The following MACROD1 variants were observed in gnomAD, a reference collection of about 807,000 sequenced individuals.
MACROD1 encodes ADP-ribose glycohydrolase MACROD1.
Under a neutral mutation model 41.4 loss-of-function variants are expected in MACROD1, and 31 were observed. The ratio of observed to expected loss-of-function variants is 0.75; its 90% confidence interval spans 0.56 to 1.01. MACROD1 has a LOEUF of 1.01. MACROD1 is among the 50% of genes least tolerant of loss of function. MACROD1 has a pLI of 0.00. For missense variants in MACROD1, 473 were observed against 460.0 expected, an observed-to-expected ratio of 1.03 and a Z score of -0.26; for synonymous variants, 252 against 203.4, an observed-to-expected ratio of 1.24 and a Z score of -2.03.
rs554014921 is a variant in MACROD1, at chr11:64,046,772, T to A, written c.518-31491A>T. ...CCTCAACGTCCCAAAGTGCTGGGAT[T>A]ACAGGCGTGAGCCGCTGCGCCTGGC... On this transcript the variant is annotated intron_variant, in intron 3 of 10. Transcript: ENST00000255681. Among the ~76,000 whole-genome samples, 27 of 152,310 alleles carry A rather than the reference T, an allele frequency of 1.8e-4. No individual in the cohort carries two copies. The East Asian group carries it at 5.0e-3, about 28-fold the overall frequency.
chr11:64,063,537 C>T (rs1218398302), intron 3 of MACROD1, among the ~76,000 whole-genome samples: 1 of 152,202 alleles, frequency 6.6e-6, no homozygotes, highest in Non-Finnish European at 1.5e-5. Flanking sequence ...CCAAAAGTCT[C>T]CGTTACTGCC....
intron 3 of MACROD1, among the ~76,000 whole-genome samples, chr11:64,114,050 T>TGATG: frequency 1.5e-5 from 1 of 68,270 alleles, no homozygotes; most frequent in African/African-American, 6.1e-5. Flanking sequence ...ATGCATGGGT[T>TGATG]GATGCATGGA....
At chr11:64,145,583 T>C (rs1337284124) in intron 3 of MACROD1, among the ~76,000 whole-genome samples, 3 of 152,158 alleles carry the variant, frequency 2.0e-5, no homozygotes, top group Non-Finnish European at 4.4e-5. Context: ...GCAGGGGTGC[T>C]GGGACCCTGA....
At chr11:64,077,029 G>C (rs1017931185) in intron 3 of MACROD1, among the ~76,000 whole-genome samples, 2 of 151,318 alleles carry the variant, frequency 1.3e-5, no homozygotes, top group African/African-American at 4.9e-5. Flanking sequence ...GTGGGGAGTA[G>C]ATGGGAGGGA....
chr11:64,041,083 TC>T (rs558424761), intron 3 of MACROD1, among the ~76,000 whole-genome samples: 261 of 151,830 alleles, frequency 1.7e-3, no homozygotes, highest in African/African-American at 5.9e-3. Context: ...TCCTGGCCAT[TC>T]CTGCCCGCGT....
At chr11:64,150,317 G>A (rs558578401) in intron 3 of MACROD1, among the ~76,000 whole-genome samples, 5 of 152,346 alleles carry the variant, frequency 3.3e-5, no homozygotes, top group South Asian at 4.1e-4. Flanking sequence ...CGCTACAAGC[G>A]CAAAGTGGGG....
At chr11:64,033,383 C>A (rs985117193) in intron 3 of MACROD1, among the ~76,000 whole-genome samples, 1 of 152,090 alleles carries the variant, frequency 6.6e-6, no homozygotes, top group Non-Finnish European at 1.5e-5. Context: ...GTTAAAACCA[C>A]AATTATGAAG....
intron 3 of MACROD1, among the ~76,000 whole-genome samples, chr11:64,047,041 G>GCC (rs754548217): frequency 6.6e-6 from 1 of 151,548 alleles, no homozygotes; most frequent in South Asian, 2.1e-4. Context: ...TCGCCCCAGT[G>GCC]CCCCCCCCGG....
rs1313030793 is a variant in MACROD1 at position 64,120,069 on chromosome 11, G to A, written c.517+31170C>T. Among the ~76,000 whole-genome samples, 12 of 152,192 alleles carry A rather than the reference G, an allele frequency of 7.9e-5. No homozygotes were observed. The highest frequency in any genetic ancestry group is 6.5e-4 in the Admixed American group (10 of 15,274). On this transcript the variant is annotated intron_variant, in intron 3 of 10. Transcript: ENST00000255681. This position sits in a 1 kb window ranked among gnomAD's most constrained non-coding sequence, Gnocchi z 4.5. ...CTATTTTCAAACGGCCTCCACCACC[G>A]TGCGAAAAGCAAAGGCAGAAGCAGC...
chr11:64,123,877 G>A (rs1008797576), intron 3 of MACROD1, among the ~76,000 whole-genome samples: 4 of 152,172 alleles, frequency 2.6e-5, no homozygotes, highest in East Asian at 1.9e-4. Flanking sequence ...TGAGCTCTCC[G>A]TCACTGGGAG....
chr11:64,145,068 T>C (rs896711783), intron 3 of MACROD1, among the ~76,000 whole-genome samples: 11 of 152,278 alleles, frequency 7.2e-5, no homozygotes, highest in Admixed American at 6.5e-4. Flanking sequence ...CAGGAGAGGA[T>C]GAGGCAGGGG....
In MACROD1 at chr11:63,999,318, GC is replaced by G; in HGVS notation, c.891+12del. 1 of 1,559,120 alleles carries G rather than the reference GC, an allele frequency of 6.4e-7. No individual in the cohort carries two copies. On this transcript the variant is annotated intron_variant, in intron 8 of 10. Transcript: ENST00000255681. ...GGATGCGGACCCCACCCTCGCCCGGGCCCAGGACTCACCTTGTCCTTGTGCT... is the reference window on the plus strand; with the variant it reads ...GGATGCGGACCCCACCCTCGCCCGGGCCAGGACTCACCTTGTCCTTGTGCT...
At chr11:64,127,271 T>C (rs564653964) in intron 3 of MACROD1, among the ~76,000 whole-genome samples, 40 of 152,368 alleles carry the variant, frequency 2.6e-4, no homozygotes, top group African/African-American at 7.7e-4. Context: ...TTGAAATAAA[T>C]AGAAAGATTT....
At chr11:64,165,574 T>TG in intron 1 of MACROD1, 123 bp downstream of exon 1, 1 of 848,972 alleles carries the variant, frequency 1.2e-6, no homozygotes, top group Non-Finnish European at 1.7e-6. Context: ...CCAGGGCAGA[T>TG]GGGGCCTCAA....
At chr11:64,039,879 G>T (rs191249390) in intron 3 of MACROD1, among the ~76,000 whole-genome samples, 4 of 152,286 alleles carry the variant, frequency 2.6e-5, no homozygotes, top group Admixed American at 6.5e-5. Context: ...TAGTGAGGGT[G>T]GGGGAGAGGA....
chr11:64,134,939 AG>A (rs1040278108), intron 3 of MACROD1, among the ~76,000 whole-genome samples: 2 of 152,216 alleles, frequency 1.3e-5, no homozygotes, highest in African/African-American at 4.8e-5. Context: ...CCTCGGTCCC[AG>A]GGAAGGCAGA....
chr11:64,066,035 C>T (rs147440278), intron 3 of MACROD1, among the ~76,000 whole-genome samples: 21 of 152,136 alleles, frequency 1.4e-4, no homozygotes, highest in African/African-American at 5.1e-4. Flanking sequence ...GTGGCTCACG[C>T]CTGTAATCCC....
At chr11:64,018,003 C>T (rs529568514) in intron 3 of MACROD1, among the ~76,000 whole-genome samples, 170 of 152,310 alleles carry the variant, frequency 1.1e-3, no homozygotes, top group Non-Finnish European at 1.5e-3. Context: ...GCACTGCACC[C>T]GGCAAGGTGA....
intron 3 of MACROD1, among the ~76,000 whole-genome samples, chr11:64,068,044 C>T (rs1446572309): frequency 6.6e-6 from 1 of 152,198 alleles, no homozygotes; most frequent in Non-Finnish European, 1.5e-5. Context: ...TAACAAATTG[C>T]CTCACAGATA....
Sources: gnomAD v4.1 joint callset for allele counts (sites outside exome capture counted in the v4.1 genomes callset) on GRCh38, gnomAD v4.1.1 for gene constraint, Gnocchi (gnomAD v3.1) non-coding constraint, MANE v1.5 for transcripts, NCBI Gene and HGNC (gene_info 2026-07-23, HGNC 2026-07-21) for gene names.